FRAS1: variants seen among roughly 807,000 people sequenced by gnomAD.
FRAS1 encodes Fraser extracellular matrix complex subunit 1.
FRAS1 carries 290 observed loss-of-function variants against 435.2 expected under a neutral mutation model. That is an observed-to-expected ratio of 0.67 (90% CI 0.61 to 0.73). The LOEUF (loss-of-function observed/expected upper bound fraction) is 0.73. FRAS1 is among the 30% of genes least tolerant of loss of function. The pLI is 0.00. For synonymous variants in FRAS1, 1,800 were observed against 1,851.0 expected (o/e 0.97, Z 0.71); for missense variants, 4,860 against 5,001.5 (o/e 0.97, Z 0.85).
chr4:78,442,147 G>A (rs1325658337), intron 41 of FRAS1, among the ~76,000 whole-genome samples: 1 of 152,262 alleles, frequency 6.6e-6, no homozygotes, highest in Admixed American at 6.5e-5. Flanking sequence ...TCACTTAGCA[G>A]TGGTCATGTT....
chr4:78,245,365 G>C, intron 4 of FRAS1, 40 bp downstream of exon 4: 2 of 1,345,830 alleles, frequency 1.5e-6, no homozygotes, highest in Non-Finnish European at 2.1e-6. Flanking sequence ...TGTGTCTGCA[G>C]ATCTCTGACA....
At chr4:78,087,986 G>T (rs927238494) in intron 2 of FRAS1, among the ~76,000 whole-genome samples, 1 of 152,148 alleles carries the variant, frequency 6.6e-6, no homozygotes, top group Non-Finnish European at 1.5e-5. Flanking sequence ...TAAGCCAAAA[G>T]AACAAATCTG....
At chr4:78,347,554 G>GGTTC (rs1374082868) in intron 20 of FRAS1, among the ~76,000 whole-genome samples, 7 of 152,134 alleles carry the variant, frequency 4.6e-5, no homozygotes, top group African/African-American at 1.4e-4. Flanking sequence ...CAGCCATGCT[G>GGTTC]GTTCTCTTCC....
intron 66 of FRAS1, among the ~76,000 whole-genome samples, chr4:78,517,742 G>T (rs566312088): frequency 9.2e-5 from 14 of 151,386 alleles, no homozygotes; most frequent in South Asian, 8.4e-4. Flanking sequence ...TATTTGTTGG[G>T]TTTTTTTTTC....
rs779463145 is a variant in FRAS1, at chr4:78,479,662, A to G, written c.8387A>G (p.Asn2796Ser). Residue 2796 changes from asparagine (N) to serine (S), a missense_variant, in exon 56 of 74, where the codon AAC (asparagine) becomes AGC (serine). Asn to Ser is a conservative substitution (Grantham distance 46). Coordinates refer to ENST00000512123, the MANE Select transcript of FRAS1 (RefSeq NM_025074.7). ...ATAKVLISGP[N>S]DASTVSLGNT... is the part of the protein sequence containing the mutation. Reference sequence around the variant, plus strand: ...GCCAAGGTGCTCATTAGTGGTCCCAACGATGCCTCGACTGTGTCCCTGGGC... The same window carrying G: ...GCCAAGGTGCTCATTAGTGGTCCCAGCGATGCCTCGACTGTGTCCCTGGGC... 10 of 1,612,496 alleles carry G rather than the reference A, an allele frequency of 6.2e-6. No homozygotes were observed. Among genetic ancestry groups the G allele is most frequent in the South Asian group, 1.1e-5 (1 of 90,848 alleles).
chr4:78,255,300 G>A lies in FRAS1; in HGVS notation c.528G>A (p.Arg176=). The change falls in exon 6 of 74, where the codon CGG becomes CGA. Residue 176 remains arginine (R), a synonymous_variant. Coordinates refer to ENST00000512123, the MANE Select transcript of FRAS1 (RefSeq NM_025074.7). ...ATGGGGAGGACTGGCGGCTGAGCCG[G>A]TGTGCCAAATGTCTGTGTAGAAATG... ...FQDGEDWRLS[R]CAKCLCRNGV... 6.4e-7 allele frequency: 1 copy of A among 1,562,466 alleles called. No individual in the cohort carries two copies. The highest frequency in any genetic ancestry group is 8.7e-7 in the Non-Finnish European group (1 of 1,152,664).
chr4:78,190,592 A>AT (rs1234840834), intron 2 of FRAS1, among the ~76,000 whole-genome samples: 4 of 133,602 alleles, frequency 3.0e-5, no homozygotes, highest in Admixed American at 1.5e-4. Flanking sequence ...CCCTCCTTCC[A>AT]TCCCCCATCC....
intron 26 of FRAS1, among the ~76,000 whole-genome samples, chr4:78,378,154 A>G (rs1731855509): frequency 6.6e-6 from 1 of 152,150 alleles, no homozygotes; most frequent in Admixed American, 6.5e-5. Context: ...GACATCTCAC[A>G]TAAATGGAAC....
At chr4:78,396,974 G>A (rs1732698512) in intron 29 of FRAS1, among the ~76,000 whole-genome samples, 2 of 152,168 alleles carry the variant, frequency 1.3e-5, no homozygotes, top group Non-Finnish European at 2.9e-5. Flanking sequence ...GCTTCTTTAA[G>A]ATGTCCACGG....
intron 62 of FRAS1, among the ~76,000 whole-genome samples, chr4:78,507,874 GC>G (rs894175684): frequency 2.0e-5 from 3 of 152,160 alleles, no homozygotes; most frequent in African/African-American, 7.2e-5. Flanking sequence ...GCACAGGGAA[GC>G]CCCCGACAAC....
At chr4:78,453,553 C>G (rs1719090208) in intron 47 of FRAS1, among the ~76,000 whole-genome samples, 1 of 152,130 alleles carries the variant, frequency 6.6e-6, no homozygotes, top group Non-Finnish European at 1.5e-5. Flanking sequence ...AATCTCAGCA[C>G]TTTGGGAGGT....
At chr4:78,515,722 G>C in intron 65 of FRAS1, 77 bp from the exon 66 acceptor site, 2 of 1,351,516 alleles carry the variant, frequency 1.5e-6, no homozygotes, top group South Asian at 1.2e-5. Context: ...AGTGCAAAAG[G>C]GTGAGCTCTT....
rs139942839 is a variant in FRAS1, at chr4:78,324,708, C to CTTTTTTTT, written c.2137+5738_2137+5745dup. Among the ~76,000 whole-genome samples, 240 of 88,098 alleles carry CTTTTTTTT rather than the reference C, an allele frequency of 2.7e-3. 3 individuals are homozygous for CTTTTTTTT. The highest frequency in any genetic ancestry group is 4.5e-3 in the African/African-American group (104 of 23,346). 57.8% of individuals were successfully genotyped at this position (88,098 alleles called of 152,430 possible). On this transcript the variant is annotated intron_variant, in intron 18 of 73. Coordinates refer to ENST00000512123, the MANE Select transcript of FRAS1 (RefSeq NM_025074.7). ...CTTTCTTTTTATTAAGCTCAGATTC[C>CTTTTTTTT]TTTTTTTTTTTTTTTTTTTTTTTCT...
chr4:78,364,125 C>G (rs767963580), intron 22 of FRAS1, 71 bp downstream of exon 22: 2 of 1,483,464 alleles, frequency 1.3e-6, no homozygotes, highest in Non-Finnish European at 1.8e-6. Context: ...GAAAGAAATG[C>G]GAGGTTCTTA....
At chr4:78,131,019 G>C (rs1719657246) in intron 2 of FRAS1, among the ~76,000 whole-genome samples, 1 of 152,116 alleles carries the variant, frequency 6.6e-6, no homozygotes, top group African/African-American at 2.4e-5. Context: ...GATATTTTCT[G>C]ACTTCTTTCA....
intron 20 of FRAS1, among the ~76,000 whole-genome samples, chr4:78,339,118 G>C (rs1347107317): frequency 6.6e-6 from 1 of 152,202 alleles, no homozygotes; most frequent in African/African-American, 2.4e-5. Context: ...GTTAGTCGTA[G>C]TCAGGACTGT....
At chr4:78,181,753 G>A (rs1395354852) in intron 2 of FRAS1, 9 of 1,610,310 alleles carry the variant, frequency 5.6e-6, no homozygotes, top group Admixed American at 1.7e-5. Context: ...TAAGCGCCAC[G>A]GGCGGCTGCG....
rs1466774380 is a variant in FRAS1 at position 78,380,014 on chromosome 4, T to G, written c.3563+18T>G. 31 of 1,605,936 alleles carry G rather than the reference T, an allele frequency of 1.9e-5. No homozygotes were observed. Among genetic ancestry groups the G allele is most frequent in the Non-Finnish European group, 2.5e-5 (30 of 1,176,592 alleles). ...AAACTCAGGTGACTCTGTGTTCTGT[T>G]GTTTTCTTCCTGCCTCCTTTCCATC... On this transcript the variant is annotated intron_variant, in intron 27 of 73. Coordinates refer to ENST00000512123, the MANE Select transcript of FRAS1 (RefSeq NM_025074.7).
intron 2 of FRAS1, among the ~76,000 whole-genome samples, chr4:78,204,051 G>C (rs56003900): frequency 6.6e-6 from 1 of 152,192 alleles, no homozygotes; most frequent in African/African-American, 2.4e-5. Flanking sequence ...TGTTAGGTAA[G>C]CTTCATTTAG....
Sources: gnomAD v4.1 joint callset for allele counts (sites outside exome capture counted in the v4.1 genomes callset) on GRCh38, gnomAD v4.1.1 for gene constraint, MANE v1.5 for transcripts, NCBI Gene and HGNC (gene_info 2026-07-23, HGNC 2026-07-21) for gene names.